XPR1: variants seen among roughly 807,000 people sequenced by gnomAD.
XPR1 encodes the protein xenotropic and polytropic retrovirus receptor 1.
A neutral mutation model predicts 87.5 loss-of-function variants in XPR1; 28 were observed. The ratio of observed to expected loss-of-function variants is 0.32; its 90% CI spans 0.24 to 0.44. XPR1 has a LOEUF of 0.44. Ranked by LOEUF, XPR1 falls within the 20% of genes least tolerant of loss-of-function variation. XPR1 has a pLI of 1.00. For missense variants in XPR1, 559 were observed against 862.3 expected (o/e 0.65, Z 4.41); for synonymous variants, 300 against 306.1 (o/e 0.98, Z 0.21).
intron 9 of XPR1, among the ~76,000 whole-genome samples, chr1:180,829,756 C>T (rs553437944): frequency 1.3e-5 from 2 of 152,050 alleles, no homozygotes; most frequent in Non-Finnish European, 2.9e-5. Flanking sequence ...TATTATATAA[C>T]ATTTACTACT....
At chr1:180,632,841 T>C (rs1396893720) in intron 1 of XPR1, among the ~76,000 whole-genome samples, 1 of 152,254 alleles carries the variant, frequency 6.6e-6, no homozygotes, top group African/African-American at 2.4e-5. Flanking sequence ...GAAACTTGAC[T>C]TAAGTGTGTA....
chr1:180,875,253 T>C (rs1374843622), intron 13 of XPR1, among the ~76,000 whole-genome samples: 1 of 152,170 alleles, frequency 6.6e-6, no homozygotes, highest in Non-Finnish European at 1.5e-5. Context: ...TTTATGCCTG[T>C]AATCCCAGCA....
intron 1 of XPR1, among the ~76,000 whole-genome samples, chr1:180,662,819 T>A (rs561206511): frequency 1.3e-5 from 2 of 152,298 alleles, no homozygotes; most frequent in South Asian, 4.1e-4. Flanking sequence ...CTTTTTTTAT[T>A]CCTTTTTCTT....
chr1:180,724,342 C>T lies in XPR1; in HGVS notation c.121+41931C>T, dbSNP rs1459119891. Among the ~76,000 whole-genome samples, 4 of 152,212 alleles carry T rather than the reference C, an allele frequency of 2.6e-5. No individual in the cohort carries two copies. In the East Asian group the frequency reaches 7.7e-4, roughly 29 times the overall value. On this transcript the variant is annotated intron_variant, in intron 2 of 14. Transcript: ENST00000367590. ...GCTATTTATAGCAGCCCATAAAATT[C>T]ACTTTAATTTTAATTAATTTTTACA...
At chr1:180,733,167 A>G (rs932269742) in intron 2 of XPR1, among the ~76,000 whole-genome samples, 2 of 152,106 alleles carry the variant, frequency 1.3e-5, no homozygotes, top group African/African-American at 4.8e-5. Flanking sequence ...TAGGCACTGG[A>G]TAGGGGCGTG....
intron 2 of XPR1, among the ~76,000 whole-genome samples, chr1:180,739,235 A>G (rs1658841452): frequency 6.6e-6 from 1 of 152,088 alleles, no homozygotes; most frequent in East Asian, 1.9e-4. Flanking sequence ...TCATTAGTTT[A>G]TATGTCTGTT....
intron 2 of XPR1, among the ~76,000 whole-genome samples, chr1:180,737,967 T>C (rs1158016507): frequency 6.6e-6 from 1 of 151,956 alleles, no homozygotes; most frequent in Non-Finnish European, 1.5e-5. Flanking sequence ...TACTAAGGAG[T>C]GGGATTGCTG....
intron 1 of XPR1, among the ~76,000 whole-genome samples, chr1:180,649,385 C>T (rs1403982298): frequency 4.6e-5 from 7 of 151,962 alleles, no homozygotes; most frequent in Non-Finnish European, 8.8e-5. Flanking sequence ...GAGCCAAGAT[C>T]GCGCCACTGC....
chr1:180,648,870 A>G (rs923613682), intron 1 of XPR1, among the ~76,000 whole-genome samples: 1 of 152,158 alleles, frequency 6.6e-6, no homozygotes, highest in Non-Finnish European at 1.5e-5. Context: ...TACTATACTG[A>G]TTACATCTGT....
chr1:180,751,402 A>C (rs188643916), intron 2 of XPR1, among the ~76,000 whole-genome samples: 14 of 152,180 alleles, frequency 9.2e-5, no homozygotes, highest in African/African-American at 2.9e-4. Context: ...TTATTCAAAC[A>C]TGCTTTTTAT....
At chr1:180,882,619 G>C (rs55993187) in intron 14 of XPR1, among the ~76,000 whole-genome samples, 5,689 of 152,262 alleles carry the variant, frequency 0.037, 355 homozygotes, top group African/African-American at 0.13. Context: ...GCCTCCCAAA[G>C]TGCTGGGATT....
At chr1:180,705,025 T>C (rs1176892802) in intron 2 of XPR1, among the ~76,000 whole-genome samples, 1 of 151,850 alleles carries the variant, frequency 6.6e-6, no homozygotes, top group Non-Finnish European at 1.5e-5. Flanking sequence ...TTCTTTATTC[T>C]TTAAAGCTTA....
At chr1:180,790,218 G>A (rs962803490) in intron 3 of XPR1, among the ~76,000 whole-genome samples, 5 of 151,654 alleles carry the variant, frequency 3.3e-5, no homozygotes, top group Admixed American at 1.3e-4. Context: ...TTTATTCCAC[G>A]GGAGATCTTT....
In XPR1 at chr1:180,632,107, C is replaced by G; in HGVS notation, c.-95C>G. The G allele has an allele frequency of 2.8e-6, 4 of 1,454,056 alleles. No individual in the cohort carries two copies. The highest frequency in any genetic ancestry group is 2.5e-5 in the East Asian group (1 of 40,472). The allele number at this position is 1,454,056 out of a possible 1,614,324, so 90.1% of individuals were successfully genotyped here. ...GGAGGAGAGAAGCGCAGCGCCGCGC[C>G]GCGCCGGGGCCCATGTGGGGAGGAG... is the stretch of plus-strand genomic sequence containing the variant. On this transcript the variant is annotated 5_prime_UTR_variant, in exon 1 of 15. Coordinates refer to ENST00000367590, the MANE Select transcript of XPR1 (RefSeq NM_004736.4).
intron 2 of XPR1, among the ~76,000 whole-genome samples, chr1:180,762,539 G>C (rs1648086263): frequency 6.6e-6 from 1 of 152,092 alleles, no homozygotes; most frequent in Admixed American, 6.5e-5. Context: ...CTTTCATGGT[G>C]GACTAAAAAT....
chr1:180,799,948 A>C (rs1381100943), intron 3 of XPR1, among the ~76,000 whole-genome samples: 1 of 152,212 alleles, frequency 6.6e-6, no homozygotes, highest in African/African-American at 2.4e-5. Context: ...TTAAGAGAGG[A>C]TGTGGTAGGT....
chr1:180,687,212 T>C (rs1420817887), intron 2 of XPR1, among the ~76,000 whole-genome samples: 1 of 152,152 alleles, frequency 6.6e-6, no homozygotes, highest in Non-Finnish European at 1.5e-5. Flanking sequence ...CTGAGATATA[T>C]TGAAAATGAT....
chr1:180,846,611 T>G (rs1390197177), intron 11 of XPR1, among the ~76,000 whole-genome samples: 1 of 151,864 alleles, frequency 6.6e-6, no homozygotes, highest in Non-Finnish European at 1.5e-5. Context: ...CCAGCTAATT[T>G]TTGTATTATT....
At chr1:180,687,523 T>A (rs1358737131) in intron 2 of XPR1, among the ~76,000 whole-genome samples, 1 of 152,126 alleles carries the variant, frequency 6.6e-6, no homozygotes, top group Non-Finnish European at 1.5e-5. Flanking sequence ...AGTAGCTTCT[T>A]AGTAGGACAT....
Sources: allele counts gnomAD v4.1 joint callset (sites outside exome capture counted in the v4.1 genomes callset), GRCh38; gene constraint gnomAD v4.1.1; transcripts MANE v1.5; gene names NCBI Gene and HGNC (gene_info 2026-07-23, HGNC 2026-07-21).